The following ERBIN variants were observed in gnomAD, a reference collection of about 807,000 sequenced individuals.
The protein encoded by ERBIN is erbb2 interacting protein.
In ERBIN, 60 loss-of-function variants were observed where a neutral mutation model predicts 158.4. The observed-to-expected ratio is 0.38, with a 90% CI of 0.31 to 0.47. The LOEUF (loss-of-function observed/expected upper bound fraction) is 0.47. Ranked by LOEUF, ERBIN falls within the 20% of genes least tolerant of loss-of-function variation. The pLI is 0.99. For missense variants in ERBIN, 1,610 were observed against 1,648.0 expected (o/e 0.98, Z 0.40); for synonymous variants, 594 against 557.2 (o/e 1.07, Z -0.93).
At chr5:66,025,317 G>T in intron 10 of ERBIN, 163 bp from the exon 11 acceptor site, 1 of 649,060 alleles carries the variant, frequency 1.5e-6, no homozygotes, top group East Asian at 2.7e-5. Context: ...AGGACAGGAT[G>T]AGGGAATAGA....
intron 1 of ERBIN, chr5:65,961,414 A>C (rs1747898147): frequency 6.6e-6 from 1 of 152,232 alleles, no homozygotes; most frequent in African/African-American, 2.4e-5. Flanking sequence ...TCCCTGCAGC[A>C]GTATTTTCCA....
At chr5:66,078,340 C>T (rs905323255) in intron 25 of ERBIN, 83 bp from the exon 26 acceptor site, 1 of 848,466 alleles carries the variant, frequency 1.2e-6, no homozygotes, top group Non-Finnish European at 1.9e-6. Context: ...TTCTTATTTT[C>T]TTCCAAGTTT....
intron 21 of ERBIN, chr5:66,068,806 C>T (rs1275026108): frequency 3.3e-5 from 44 of 1,331,516 alleles, no homozygotes; most frequent in Admixed American, 5.5e-5. Context: ...AATAAGTCTA[C>T]GTATATAACA....
At chr5:66,004,387 T>TGC (rs1753345603) in intron 4 of ERBIN, among the ~76,000 whole-genome samples, 1 of 151,982 alleles carries the variant, frequency 6.6e-6, no homozygotes, top group African/African-American at 2.4e-5. Flanking sequence ...TGCGTGTGTG[T>TGC]GTGCGCGCGC....
intron 1 of ERBIN, among the ~76,000 whole-genome samples, chr5:65,942,020 G>A (rs995272132): frequency 1.3e-5 from 2 of 152,230 alleles, no homozygotes; most frequent in East Asian, 1.9e-4. Flanking sequence ...GATTACAGGC[G>A]TGAGCCACTG....
intron 18 of ERBIN, among the ~76,000 whole-genome samples, chr5:66,047,052 G>A (rs1243119333): frequency 1.3e-5 from 2 of 152,006 alleles, no homozygotes; most frequent in African/African-American, 4.8e-5. Context: ...AAATTGTGCA[G>A]CCATTACTAC....
At chr5:66,068,893 C>G in intron 21 of ERBIN, 1 of 1,535,128 alleles carries the variant, frequency 6.5e-7, no homozygotes, top group African/African-American at 1.4e-5. Context: ...CTGTCAAGGT[C>G]CTTTAATTCC....
Position 66,026,337 on chromosome 5 carries a change from C to T in ERBIN, c.1056C>T (p.Leu352=). 4 of 1,593,858 alleles carry T rather than the reference C, an allele frequency of 2.5e-6. No individual in the cohort carries two copies. The highest frequency in any genetic ancestry group is 3.4e-6 in the Non-Finnish European group (4 of 1,171,654). Residue 352 remains leucine (L), a synonymous_variant, in exon 13 of 26, where the codon CTC becomes CTT. Transcript: ENST00000284037. ...GSWKNITVLF[L]HSNKLETLPE... ...GGAAAAATATAACTGTGCTGTTTCT[C>T]CATTCCAATAAACTTGAGACACTTC...
chr5:66,074,104 G>A (rs914158637), intron 22 of ERBIN, among the ~76,000 whole-genome samples: 29 of 128,534 alleles, frequency 2.3e-4, no homozygotes, highest in African/African-American at 8.6e-4. Flanking sequence ...TGCCCAGGCT[G>A]ATCTTGAACT....
chr5:65,967,492 C>T (rs1269684314), intron 1 of ERBIN, among the ~76,000 whole-genome samples: 3 of 152,086 alleles, frequency 2.0e-5, no homozygotes, highest in Non-Finnish European at 2.9e-5. Flanking sequence ...CAGATGCCTG[C>T]TGTATTCAGT....
At chr5:66,001,764 C>T (rs749268872) in intron 4 of ERBIN, among the ~76,000 whole-genome samples, 3 of 151,924 alleles carry the variant, frequency 2.0e-5, no homozygotes, top group African/African-American at 4.8e-5. Flanking sequence ...TTTCTTTTCT[C>T]GAGTTTTGGT....
At chr5:65,981,737 T>C (rs1463465096) in intron 1 of ERBIN, among the ~76,000 whole-genome samples, 1 of 152,242 alleles carries the variant, frequency 6.6e-6, no homozygotes, top group Non-Finnish European at 1.5e-5. Flanking sequence ...GTTGACTATT[T>C]CTCTGAATTA....
At chr5:65,979,921 A>G (rs933526349) in intron 1 of ERBIN, among the ~76,000 whole-genome samples, 2 of 152,238 alleles carry the variant, frequency 1.3e-5, no homozygotes, top group Non-Finnish European at 2.9e-5. Context: ...AAATATACAC[A>G]TACTCTTTTA....
intron 1 of ERBIN, among the ~76,000 whole-genome samples, chr5:65,958,002 C>T (rs1256497729): frequency 3.4e-5 from 5 of 148,876 alleles, no homozygotes; most frequent in African/African-American, 7.5e-5. Flanking sequence ...CGGGCAGAGG[C>T]GCTCCTCACA....
chr5:66,062,195 T>G (rs1391852138), intron 21 of ERBIN, among the ~76,000 whole-genome samples: 2 of 152,244 alleles, frequency 1.3e-5, no homozygotes, highest in Admixed American at 1.3e-4. Context: ...GACGTAGATT[T>G]GGTCTTTTCA....
At chr5:65,950,464 G>A (rs774954058) in intron 1 of ERBIN, among the ~76,000 whole-genome samples, 16 of 152,132 alleles carry the variant, frequency 1.1e-4, no homozygotes, top group Admixed American at 7.9e-4. Flanking sequence ...AGAATATCAC[G>A]CAAGGGAAGT....
At chr5:66,030,194 A>G (rs36291) in intron 14 of ERBIN, among the ~76,000 whole-genome samples, 16 of 151,920 alleles carry the variant, frequency 1.1e-4, no homozygotes, top group Admixed American at 1.0e-3. Context: ...GTATGCCACC[A>G]CGCCCGGCTA....
chr5:65,960,476 A>G (rs2150955363), intron 1 of ERBIN, among the ~76,000 whole-genome samples: 1 of 152,316 alleles, frequency 6.6e-6, no homozygotes, highest in Middle Eastern at 3.4e-3. Context: ...CTCAAAAACA[A>G]ACAATGAAAC....
At chr5:66,030,626 A>G (rs1286883791) in intron 14 of ERBIN, among the ~76,000 whole-genome samples, 2 of 147,482 alleles carry the variant, frequency 1.4e-5, no homozygotes, top group African/African-American at 5.1e-5. Flanking sequence ...ACAGTGGTAT[A>G]ATTAAGACTC....
Sources: gnomAD v4.1 joint callset for allele counts (sites outside exome capture counted in the v4.1 genomes callset) on GRCh38, gnomAD v4.1.1 for gene constraint, MANE v1.5 for transcripts, NCBI Gene and HGNC (gene_info 2026-07-23, HGNC 2026-07-21) for gene names.